CRTC1: variants seen among roughly 807,000 people sequenced by gnomAD.
The protein encoded by CRTC1 is CREB regulated transcription coactivator 1.
In CRTC1, 18 loss-of-function variants were observed where a neutral mutation model predicts 66.1. That is an observed-to-expected ratio of 0.27 (90% CI 0.19 to 0.40). CRTC1 has a LOEUF of 0.40. Ranked by LOEUF, CRTC1 falls within the 10% of genes least tolerant of loss-of-function variation. The pLI, the probability that CRTC1 is intolerant of heterozygous loss-of-function variation, is 1.00. For synonymous variants in CRTC1, 416 were observed against 398.8 expected (o/e 1.04, Z -0.51); for missense variants, 669 against 887.9 (o/e 0.75, Z 3.13).
chr19:18,719,155 T>G (rs959414709), intron 1 of CRTC1, among the ~76,000 whole-genome samples: 4 of 152,196 alleles, frequency 2.6e-5, no homozygotes, highest in African/African-American at 9.6e-5. Flanking sequence ...ACCTCCAGCC[T>G]CTGTCCCTGC....
chr19:18,759,580 C>T lies in CRTC1; in HGVS notation c.654C>T (p.Val218=). 6.2e-7 allele frequency: 1 copy of T among 1,613,170 alleles called. No individual in the cohort carries two copies. Among genetic ancestry groups the T allele is most frequent in the Non-Finnish European group, 8.5e-7 (1 of 1,179,710 alleles). ...GGTCCAGGCCCAAGTCCTGTGAGGT[C>T]CCCGGAATCAAGTAAGTCTCCACAG... The part of the protein sequence containing the change: ...KTGSRPKSCE[V]PGINIFPSAD... The change falls in exon 7 of 14, where the codon GTC becomes GTT. Residue 218 remains valine (V), a synonymous_variant. Transcript: ENST00000321949.
In CRTC1 at chr19:18,781,041, C is replaced by T. The variant is rs192757804; in HGVS notation, c.*3659C>T. ...GGTATTCGGGGGTCCTCTGTCACCT[C>T]GCCCTGAAAACAGCAGCTCCCATCA... On this transcript the variant is annotated 3_prime_UTR_variant, in exon 14 of 14. Transcript: ENST00000321949. 61 of 227,628 alleles carry T rather than the reference C, an allele frequency of 2.7e-4. No individual in the cohort carries two copies. The East Asian group carries it at 3.8e-3, about 14-fold the overall frequency. 14.1% of individuals were successfully genotyped at this position (227,628 alleles called of 1,614,324 possible).
At chr19:18,769,992 G>A (rs1437318076) in intron 10 of CRTC1, among the ~76,000 whole-genome samples, 1 of 152,018 alleles carries the variant, frequency 6.6e-6, no homozygotes, top group Non-Finnish European at 1.5e-5. Context: ...CCACGCAGGC[G>A]AGCTCACCGC....
At position 18,771,124 on chromosome 19, in the gene CRTC1, G is replaced by T. The variant is rs532043404; in HGVS notation, c.1321-318G>T. On this transcript the variant is annotated intron_variant, in intron 10 of 13. Coordinates refer to ENST00000321949, the MANE Select transcript of CRTC1 (RefSeq NM_015321.3). This position sits in a 1 kb window ranked among gnomAD's most constrained non-coding sequence, Gnocchi z 4.6. ...GGTGTGCATGCATGAGAGTGCACAC[G>T]TTGCTATATGGCTCTGAGCCTGCTG... 6.6e-6 allele frequency among the ~76,000 whole-genome samples: 1 copy of T among 151,544 alleles called. No individual in the cohort carries two copies. The highest frequency in any genetic ancestry group is 2.4e-5 in the African/African-American group (1 of 41,362).
At chr19:18,722,303 G>A (rs755214101) in intron 1 of CRTC1, among the ~76,000 whole-genome samples, 1 of 152,232 alleles carries the variant, frequency 6.6e-6, no homozygotes, top group Non-Finnish European at 1.5e-5. Flanking sequence ...CTCCCAGCTG[G>A]CTTCAGAGAT....
At chr19:18,705,443 G>A (rs1453297878) in intron 1 of CRTC1, among the ~76,000 whole-genome samples, 1 of 152,014 alleles carries the variant, frequency 6.6e-6, no homozygotes, top group African/African-American at 2.4e-5. Context: ...TCAGCCTCCC[G>A]AGTAGCTGGA....
At chr19:18,712,914 C>G (rs1039600414) in intron 1 of CRTC1, among the ~76,000 whole-genome samples, 3 of 150,702 alleles carry the variant, frequency 2.0e-5, no homozygotes, top group African/African-American at 7.3e-5. Flanking sequence ...GAGCCGAGAT[C>G]GTGCCACTGC....
intron 1 of CRTC1, among the ~76,000 whole-genome samples, chr19:18,696,805 C>T (rs2052999861): frequency 7.8e-6 from 1 of 127,406 alleles, no homozygotes; most frequent in African/African-American, 3.0e-5. Flanking sequence ...GGGCGAGCAG[C>T]TGGAGGTGTG....
intron 1 of CRTC1, among the ~76,000 whole-genome samples, chr19:18,702,533 C>CT (rs34068358): frequency 0.29 from 37,479 of 128,134 alleles, 6,286 homozygotes; most frequent in East Asian, 0.63. Flanking sequence ...AGGGGATAGT[C>CT]TTTTTTTTTT....
At chr19:18,689,321 G>A (rs943248966) in intron 1 of CRTC1, among the ~76,000 whole-genome samples, 1 of 151,194 alleles carries the variant, frequency 6.6e-6, no homozygotes, top group African/African-American at 2.4e-5. Flanking sequence ...ACACAGTGAG[G>A]CGAATCCTGC....
intron 2 of CRTC1, among the ~76,000 whole-genome samples, chr19:18,745,481 T>C (rs897116392): frequency 2.0e-5 from 3 of 152,160 alleles, no homozygotes; most frequent in Non-Finnish European, 2.9e-5. Context: ...CTGGTGAGAC[T>C]GGGGAGGAGG....
chr19:18,774,129 C>T (rs2054930840), intron 11 of CRTC1, among the ~76,000 whole-genome samples: 1 of 152,186 alleles, frequency 6.6e-6, no homozygotes, highest in African/African-American at 2.4e-5. Context: ...CAAGGTCACA[C>T]TGCAGCTGGG....
At chr19:18,763,709 C>T (rs577523186) in intron 8 of CRTC1, among the ~76,000 whole-genome samples, 5 of 152,338 alleles carry the variant, frequency 3.3e-5, no homozygotes, top group South Asian at 2.1e-4. Flanking sequence ...CACCTCGAGA[C>T]GGGCCACAGT....
intron 1 of CRTC1, among the ~76,000 whole-genome samples, chr19:18,694,582 G>C (rs1048726159): frequency 1.3e-5 from 2 of 152,108 alleles, no homozygotes; most frequent in African/African-American, 4.8e-5. Flanking sequence ...ACAGGTGTTA[G>C]CCACCATGCC....
At position 18,771,784 on chromosome 19, in the gene CRTC1, G is replaced by C. The variant is rs1169477841; in HGVS notation, c.1425+238G>C. Among the ~76,000 whole-genome samples the C allele has an allele frequency of 6.6e-6, 1 of 152,192 alleles. No individual in the cohort carries two copies. Among genetic ancestry groups the C allele is most frequent in the Non-Finnish European group, 1.5e-5 (1 of 68,018 alleles). On this transcript the variant is annotated intron_variant, in intron 11 of 13. Transcript: ENST00000321949. This position sits in a 1 kb window ranked among gnomAD's most constrained non-coding sequence, Gnocchi z 4.6. ...GCCTGCCTCTGCTGAACACTAGGTG[G>C]GGGTGTGCGTTAGTGACATTAGCGA... is the stretch of plus-strand genomic sequence containing the variant.
At chr19:18,773,752 G>A (rs558515519) in intron 11 of CRTC1, among the ~76,000 whole-genome samples, 6 of 152,266 alleles carry the variant, frequency 3.9e-5, no homozygotes, top group South Asian at 2.1e-4. Context: ...CTTCTCTGGC[G>A]TTTGAGTGGG....
At chr19:18,766,534 C>T (rs1464658256) in intron 9 of CRTC1, among the ~76,000 whole-genome samples, 1 of 151,880 alleles carries the variant, frequency 6.6e-6, no homozygotes, top group Non-Finnish European at 1.5e-5. Context: ...GCAACTCTGC[C>T]TCCCAATTTC....
At position 18,771,672 on chromosome 19, in the gene CRTC1, C is replaced by A; in HGVS notation, c.1425+126C>A. ...CATGCATGTCCTCATGCATCCCATC[C>A]CGTCCACGCCATCGGACCTGAGCTG... On this transcript the variant is annotated intron_variant, in intron 11 of 13. Transcript: ENST00000321949. The surrounding 1 kb of genome is among the most constrained non-coding windows in gnomAD (Gnocchi z 4.6). 1.4e-6 allele frequency: 1 copy of A among 738,486 alleles called. No individual in the cohort carries two copies. Among genetic ancestry groups the A allele is most frequent in the Non-Finnish European group, 2.3e-6 (1 of 434,432 alleles). The allele number at this position is 738,486 out of a possible 1,614,324, so 45.7% of individuals were successfully genotyped here. A position where few individuals can be genotyped will look rare whatever the true frequency, so the allele number is the denominator to read the frequency against.
chr19:18,709,639 G>A (rs1439506746), intron 1 of CRTC1, among the ~76,000 whole-genome samples: 1 of 152,172 alleles, frequency 6.6e-6, no homozygotes, highest in Non-Finnish European at 1.5e-5. Context: ...CCCCTGCTGA[G>A]GTCCTCTGGG....
Sources: gnomAD v4.1 joint callset for allele counts (sites outside exome capture counted in the v4.1 genomes callset) on GRCh38, gnomAD v4.1.1 for gene constraint, Gnocchi (gnomAD v3.1) non-coding constraint, MANE v1.5 for transcripts, NCBI Gene and HGNC (gene_info 2026-07-23, HGNC 2026-07-21) for gene names.